EML1: variants seen among roughly 807,000 people sequenced by gnomAD.
EML1 encodes the protein echinoderm microtubule-associated protein-like 1.
EML1 carries 27 observed loss-of-function variants against 110.4 expected under a neutral mutation model. The ratio of observed to expected loss-of-function variants is 0.24; its 90% confidence interval spans 0.18 to 0.34. The LOEUF is 0.34. EML1 is among the 10% of genes least tolerant of loss of function. EML1 has a pLI of 1.00. For missense variants in EML1, 741 were observed against 1,030.9 expected (o/e 0.72, Z 3.85); for synonymous variants, 344 against 385.8 (o/e 0.89, Z 1.27).
At chr14:99,881,076 A>G (rs35702589) in intron 4 of EML1, among the ~76,000 whole-genome samples, 1 of 152,354 alleles carries the variant, frequency 6.6e-6, no homozygotes, top group South Asian at 2.1e-4. Flanking sequence ...TGTGAAGCTC[A>G]CAGTTCTTAA....
At chr14:99,802,634 G>A (rs1332219951) in intron 1 of EML1, among the ~76,000 whole-genome samples, 1 of 152,132 alleles carries the variant, frequency 6.6e-6, no homozygotes, top group African/African-American at 2.4e-5. Context: ...AGGCCAGGGG[G>A]CCTGTGCAGA....
At chr14:99,855,240 A>G (rs571825535) in intron 2 of EML1, among the ~76,000 whole-genome samples, 1 of 152,368 alleles carries the variant, frequency 6.6e-6, no homozygotes, top group East Asian at 1.9e-4. Context: ...AGCAAAAGTA[A>G]TTCACGGGTT....
At chr14:99,927,505 A>T (rs534018625) in intron 17 of EML1, among the ~76,000 whole-genome samples, 1 of 152,226 alleles carries the variant, frequency 6.6e-6, no homozygotes, top group East Asian at 1.9e-4. Flanking sequence ...TTGTGACATT[A>T]GTAGCTGTTG....
At chr14:99,760,397 T>C (rs2057302545) in intron 1 of EML1, among the ~76,000 whole-genome samples, 1 of 152,168 alleles carries the variant, frequency 6.6e-6, no homozygotes, top group Non-Finnish European at 1.5e-5. Context: ...CCCACATTGC[T>C]GCATGATCTC....
chr14:99,887,177 C>T (rs2059492144), intron 4 of EML1, among the ~76,000 whole-genome samples: 2 of 152,210 alleles, frequency 1.3e-5, no homozygotes, highest in Non-Finnish European at 2.9e-5. Flanking sequence ...TCAAATGTAC[C>T]TCATCCTCCG....
At chr14:99,789,500 T>C (rs1462865867), upstream of EML1, among the ~76,000 whole-genome samples, 5 of 152,236 alleles carry the variant, frequency 3.3e-5, no homozygotes, top group African/African-American at 9.6e-5. Context: ...TAAGCCACCA[T>C]GCCTGGCCTC....
chr14:99,816,567 C>T (rs1232484598), intron 1 of EML1, among the ~76,000 whole-genome samples: 1 of 152,262 alleles, frequency 6.6e-6, no homozygotes, highest in Non-Finnish European at 1.5e-5. Flanking sequence ...ATGCTTCACT[C>T]AGCTCGCCTG....
chr14:99,820,077 T>C (rs1280632462), intron 1 of EML1, among the ~76,000 whole-genome samples: 1 of 152,186 alleles, frequency 6.6e-6, no homozygotes, highest in Non-Finnish European at 1.5e-5. Context: ...TGTTCCTGTC[T>C]GATACCAGCC....
At chr14:99,805,328 T>C (rs2057951386) in intron 1 of EML1, among the ~76,000 whole-genome samples, 1 of 152,240 alleles carries the variant, frequency 6.6e-6, no homozygotes, top group African/African-American at 2.4e-5. Flanking sequence ...ACTTAGGACA[T>C]TTTAACTTTT....
upstream of EML1, among the ~76,000 whole-genome samples, chr14:99,771,423 C>T (rs371016368): frequency 6.6e-6 from 1 of 152,212 alleles, no homozygotes; most frequent in Admixed American, 6.5e-5. Flanking sequence ...CTTTTATGAC[C>T]GAGTAACAGT....
chr14:99,834,947 G>T (rs1415010364), intron 1 of EML1, among the ~76,000 whole-genome samples: 1 of 152,104 alleles, frequency 6.6e-6, no homozygotes, highest in Non-Finnish European at 1.5e-5. Context: ...AGCCTCCCTA[G>T]TAGCTGGGAC....
At chr14:99,809,555 G>T in intron 1 of EML1, 1 of 441,852 alleles carries the variant, frequency 2.3e-6, no homozygotes, top group South Asian at 1.6e-5. Flanking sequence ...TGCACTGCCA[G>T]CTTTCTGGGT....
chr14:99,860,122 T>TA (rs568721029), intron 2 of EML1, among the ~76,000 whole-genome samples: 3 of 152,248 alleles, frequency 2.0e-5, no homozygotes, highest in African/African-American at 7.2e-5. Flanking sequence ...GGGCACCTCT[T>TA]ACCCCCAGAG....
chr14:99,839,978 C>T lies in EML1; in HGVS notation c.68-10875C>T, dbSNP rs541132299. 6.6e-4 allele frequency among the ~76,000 whole-genome samples: 101 copies of T among 152,314 alleles called. No individual in the cohort carries two copies. The South Asian group carries it at 6.6e-3, about 10-fold the overall frequency. On this transcript the variant is annotated intron_variant, in intron 1 of 21. Transcript: ENST00000262233. The stretch of plus-strand genomic sequence containing the variant: ...CGAATCTGACAGCAAGGCCGAAATC[C>T]AGGCCCGCAAGTGGCAGAGCAATGA...
At chr14:99,752,694 A>G (rs1486346448) in intron 1 of EML1, among the ~76,000 whole-genome samples, 1 of 152,114 alleles carries the variant, frequency 6.6e-6, no homozygotes, top group African/African-American at 2.4e-5. Context: ...TAGCTGGTAA[A>G]CCACAGCTTT....
At chr14:99,816,887 T>G (rs1211792492) in intron 1 of EML1, among the ~76,000 whole-genome samples, 2 of 152,202 alleles carry the variant, frequency 1.3e-5, no homozygotes. Flanking sequence ...ATGGCTGTTC[T>G]CCCAGGCTTG....
In EML1 at chr14:99,911,584, A is replaced by G. The variant is rs921628501; in HGVS notation, c.1494+8A>G. On this transcript the variant is annotated splice_region_variant and intron_variant, in intron 13 of 21. Transcript: ENST00000262233. Reference sequence around the variant, plus strand: ...AAACTTCGTAAAACGGAGGTAAGTCATCAAGGCTACTGCTAAAATTTGTTT... The same window carrying G: ...AAACTTCGTAAAACGGAGGTAAGTCGTCAAGGCTACTGCTAAAATTTGTTT... 1.2e-5 allele frequency: 20 copies of G among 1,610,018 alleles called. No homozygotes were observed. The highest frequency in any genetic ancestry group is 1.7e-5 in the Non-Finnish European group (20 of 1,179,314).
intron 1 of EML1, among the ~76,000 whole-genome samples, chr14:99,765,220 C>T (rs59443872): frequency 0.016 from 2,361 of 152,120 alleles, 35 homozygotes; most frequent in African/African-American, 0.044. Flanking sequence ...GGATTACAGG[C>T]GTGTAAGATA....
In EML1 at chr14:99,939,027, G is replaced by A. The variant is rs1025950793; in HGVS notation, c.2192-170G>A. Among the ~76,000 whole-genome samples the A allele has an allele frequency of 6.6e-6, 1 of 152,224 alleles. No homozygotes were observed. The highest frequency in any genetic ancestry group is 2.4e-5 in the African/African-American group (1 of 41,474). ...ACTGGCCTGAGTGAGAGGAGACTGG[G>A]CGCACAGCGAGAGGCCAGGAACTGA... On this transcript the variant is annotated intron_variant, in intron 20 of 21. Transcript: ENST00000262233. This position sits in a 1 kb window ranked among gnomAD's most constrained non-coding sequence, Gnocchi z 4.2.
Sources: gnomAD v4.1 joint callset for allele counts (sites outside exome capture counted in the v4.1 genomes callset) on GRCh38, gnomAD v4.1.1 for gene constraint, Gnocchi (gnomAD v3.1) non-coding constraint, MANE v1.5 for transcripts, NCBI Gene and HGNC (gene_info 2026-07-23, HGNC 2026-07-21) for gene names.